The following SLC34A1 variants were observed in gnomAD, a reference collection of about 807,000 sequenced individuals.
The protein encoded by SLC34A1 is solute carrier family 34 member 1.
A neutral mutation model predicts 51.4 loss-of-function variants in SLC34A1; 57 were observed. The observed-to-expected ratio is 1.11, with a 90% CI of 0.90 to 1.38. The LOEUF (loss-of-function observed/expected upper bound fraction) is 1.38, where lower values mean the gene tolerates loss of function less well. Among genes scored for constraint, SLC34A1 ranks in the 40% most tolerant of loss-of-function variants. The pLI, the probability that SLC34A1 is intolerant of heterozygous loss-of-function variation, is 0.00. For missense variants in SLC34A1, 796 were observed against 835.6 expected (o/e 0.95, Z 0.58); for synonymous variants, 368 against 358.0 (o/e 1.03, Z -0.32).
At position 177,396,221 on chromosome 5, in the gene SLC34A1, G is replaced by A. The variant is rs967560593; in HGVS notation, c.1175-512G>A. 1.3e-5 allele frequency among the ~76,000 whole-genome samples: 2 copies of A among 152,190 alleles called. No individual in the cohort carries two copies. The highest frequency in any genetic ancestry group is 2.4e-5 in the African/African-American group (1 of 41,434). The stretch of plus-strand genomic sequence containing the variant: ...GGGGGTCAGGGAAGGCTTTCCAGAG[G>A]AAGTGACATCCATGCTGAGTCTGAG... On this transcript the variant is annotated intron_variant, in intron 10 of 12. Coordinates refer to ENST00000324417, the MANE Select transcript of SLC34A1 (RefSeq NM_003052.5). The surrounding 1 kb of genome is among the most constrained non-coding windows in gnomAD (Gnocchi z 4.0).
At chr5:177,397,274 A>G in intron 12 of SLC34A1, 200 bp downstream of exon 12, 1 of 615,786 alleles carries the variant, frequency 1.6e-6, no homozygotes, top group Non-Finnish European at 2.8e-6. Context: ...GACACTGCTC[A>G]TAATTACACC....
chr5:177,393,869 G>A, intron 9 of SLC34A1, 106 bp downstream of exon 9: 11 of 1,480,884 alleles, frequency 7.4e-6, no homozygotes, highest in Admixed American at 1.7e-5. Flanking sequence ...AGGAAGCATG[G>A]CTGTCAACTA....
rs1298023844 is a variant in SLC34A1 at position 177,386,220 on chromosome 5, G to C, written c.260-1G>C. The C allele has an allele frequency of 6.2e-7, 1 of 1,614,198 alleles. No individual in the cohort carries two copies. Among genetic ancestry groups the C allele is most frequent in the Admixed American group, 1.7e-5 (1 of 60,032 alleles). On this transcript the variant is annotated splice_acceptor_variant, in intron 3 of 12. Transcript: ENST00000324417. LOFTEE classifies it high-confidence loss of function. The surrounding 1 kb of genome is among the most constrained non-coding windows in gnomAD (Gnocchi z 4.8). ...CTATGCTCATGGCTTCCCCCATCCA[G>C]AGTCCAGGCTGGTCCCCAAGCTGCG...
chr5:177,388,307 A>C lies in SLC34A1; in HGVS notation c.871A>C (p.Thr291Pro). ...LDESVITSIATGDESLRNHSL... is the reference protein window; with the variant it reads ...LDESVITSIAPGDESLRNHSL... ...CGAGTCTGTGATAACCAGCATTGCC[A>C]CTGGTGATGAGTCCCTGAGGAACCA... The change falls in exon 8 of 13, where the codon ACT (threonine) becomes CCT (proline). Residue 291 changes from threonine (T) to proline (P), a missense_variant. Transcript: ENST00000324417. The surrounding 1 kb of genome is among the most constrained non-coding windows in gnomAD (Gnocchi z 4.3). 1 of 1,614,160 alleles carries C rather than the reference A, an allele frequency of 6.2e-7. No individual in the cohort carries two copies. The highest frequency in any genetic ancestry group is 1.1e-5 in the South Asian group (1 of 91,086).
In SLC34A1 at chr5:177,397,887, C is replaced by T; in HGVS notation, c.1521C>T (p.Arg507=). The T allele has an allele frequency of 6.2e-7, 1 of 1,613,988 alleles. No individual in the cohort carries two copies. Among genetic ancestry groups the T allele is most frequent in the Non-Finnish European group, 8.5e-7 (1 of 1,180,024 alleles). Residue 507 remains arginine (R), a synonymous_variant, in exon 13 of 13, where the codon CGC becomes CGT. Transcript: ENST00000324417. The part of the protein sequence containing the change: ...PIRMAKALGK[R]TAKYRWFAVL... ...GCATGGCCAAGGCGCTGGGGAAACG[C>T]ACGGCCAAGTACCGCTGGTTTGCCG...
intron 12 of SLC34A1, 93 bp from the exon 13 acceptor site, chr5:177,397,690 C>A: frequency 6.5e-7 from 1 of 1,543,040 alleles, no homozygotes; most frequent in Non-Finnish European, 8.9e-7. Context: ...GCTGCCCAGA[C>A]CAGATCGGGG....
intron 10 of SLC34A1, among the ~76,000 whole-genome samples, chr5:177,394,414 CA>C (rs1337417504): frequency 6.6e-6 from 1 of 152,210 alleles, no homozygotes; most frequent in Non-Finnish European, 1.5e-5. Context: ...TGGAGATGCT[CA>C]AGGACCATTG....
intron 5 of SLC34A1, among the ~76,000 whole-genome samples, chr5:177,387,374 G>A (rs1042431979): frequency 3.9e-5 from 6 of 152,084 alleles, no homozygotes; most frequent in East Asian, 1.9e-4. Flanking sequence ...CAGCCTGGGC[G>A]ACAGAGCGAG....
At chr5:177,391,955 C>T (rs1007854194) in intron 8 of SLC34A1, among the ~76,000 whole-genome samples, 4 of 152,214 alleles carry the variant, frequency 2.6e-5, no homozygotes, top group Admixed American at 1.3e-4. Context: ...CCCTTACCCT[C>T]GCAGCAGTTA....
At chr5:177,394,984 T>C (rs1171610615) in intron 10 of SLC34A1, among the ~76,000 whole-genome samples, 1 of 151,952 alleles carries the variant, frequency 6.6e-6, no homozygotes, top group Non-Finnish European at 1.5e-5. Flanking sequence ...TGAGCCACCG[T>C]GCCCGGCCGA....
chr5:177,395,060 G>A (rs1762917555), intron 10 of SLC34A1, among the ~76,000 whole-genome samples: 1 of 151,990 alleles, frequency 6.6e-6, no homozygotes, highest in Non-Finnish European at 1.5e-5. Flanking sequence ...ATAGTCCCAG[G>A]TACCCAGGAG....
At chr5:177,397,316 A>AAGGAAG (rs1216987742) in intron 12 of SLC34A1, 16 of 553,868 alleles carry the variant, frequency 2.9e-5, no homozygotes, top group Non-Finnish European at 4.5e-5. Flanking sequence ...TTTGCACCAT[A>AAGGAAG]AGGAAGAGGA....
At position 177,398,682 on chromosome 5, in the gene SLC34A1, ATGT is replaced by A. The variant is rs555230912; in HGVS notation, c.*399_*401del. The stretch of plus-strand genomic sequence containing the variant: ...TGACTGTGCAGCTGTTTGTGCATAG[ATGT>A]TGGTGCCTGCGTTACTGAATTTGCA... On this transcript the variant is annotated 3_prime_UTR_variant, in exon 13 of 13. Coordinates refer to ENST00000324417, the MANE Select transcript of SLC34A1 (RefSeq NM_003052.5). The surrounding 1 kb of genome is among the most constrained non-coding windows in gnomAD (Gnocchi z 4.7). The A allele has an allele frequency of 6.2e-4, 162 of 259,654 alleles. No individual in the cohort carries two copies. Among genetic ancestry groups the A allele is most frequent in the African/African-American group, 3.3e-3 (150 of 45,216 alleles). 16.1% of individuals were successfully genotyped at this position (259,654 alleles called of 1,614,324 possible).
In SLC34A1 at chr5:177,397,835, C is replaced by T. The variant is rs372577906; in HGVS notation, c.1469C>T (p.Pro490Leu). The T allele has an allele frequency of 2.7e-5, 44 of 1,613,204 alleles. No homozygotes were observed. The highest frequency in any genetic ancestry group is 3.4e-5 in the Non-Finnish European group (40 of 1,179,970). ...ATCTCGGGTATCCTTCTGTGGTACC[C>T]GGTGCCCTGCACACGCCTGCCCATC... ...FNISGILLWYPVPCTRLPIRM... is the reference protein window; with the variant it reads ...FNISGILLWYLVPCTRLPIRM... The change falls in exon 13 of 13, where the codon CCG becomes CTG. Residue 490 changes from proline to leucine, a missense_variant. By Grantham distance (98) the Pro-to-Leu change is moderately conservative (BLOSUM62 -3). Coordinates refer to ENST00000324417, the MANE Select transcript of SLC34A1 (RefSeq NM_003052.5).
At chr5:177,394,316 T>C (rs555667753) in intron 10 of SLC34A1, 121 bp downstream of exon 10, 2 of 1,148,090 alleles carry the variant, frequency 1.7e-6, no homozygotes, top group African/African-American at 3.0e-5. Flanking sequence ...TTTCCCGATG[T>C]GAACAAAGAA....
chr5:177,387,146 A>G lies in SLC34A1; in HGVS notation c.532+580A>G, dbSNP rs542314480. On this transcript the variant is annotated intron_variant, in intron 5 of 12. Transcript: ENST00000324417. ...AGCACTTTGGGAGGCTGAGGGGGGCAGATCACGAGGTCAGTAGATCGAGAC... is the reference window on the plus strand; with the variant it reads ...AGCACTTTGGGAGGCTGAGGGGGGCGGATCACGAGGTCAGTAGATCGAGAC... 6.7e-3 allele frequency among the ~76,000 whole-genome samples: 1,012 copies of G among 151,968 alleles called. 12 individuals are homozygous for G. Among genetic ancestry groups the G allele is most frequent in the African/African-American group, 0.022 (919 of 41,464 alleles).
chr5:177,391,514 G>A lies in SLC34A1; in HGVS notation c.937-2180G>A, dbSNP rs535375246. On this transcript the variant is annotated intron_variant, in intron 8 of 12. Transcript: ENST00000324417. ...CCCAGGTTAGGTCAGTGGGGCACAC[G>A]TTGACCAGGCACCTACTCATTCAAG... is the stretch of plus-strand genomic sequence containing the variant. 1.2e-4 allele frequency among the ~76,000 whole-genome samples: 19 copies of A among 152,316 alleles called. No individual in the cohort carries two copies. The East Asian group carries it at 3.5e-3, about 28-fold the overall frequency.
chr5:177,388,423 G>C lies in SLC34A1; in HGVS notation c.936+51G>C, dbSNP rs376688326. 9.0e-6 allele frequency: 13 copies of C among 1,451,980 alleles called. No homozygotes were observed. Among genetic ancestry groups the C allele is most frequent in the Admixed American group, 3.4e-5 (2 of 59,534 alleles). The allele number at this position is 1,451,980 out of a possible 1,614,324, so 89.9% of individuals were successfully genotyped here. A position where few individuals can be genotyped will look rare whatever the true frequency, so the allele number is the denominator to read the frequency against. The stretch of plus-strand genomic sequence containing the variant: ...AAGAGGACTCCCTCTTCAGACTCTT[G>C]GTTTCATTGTCTGTTCAAAATGCTC... On this transcript the variant is annotated intron_variant, in intron 8 of 12. Transcript: ENST00000324417. This position sits in a 1 kb window ranked among gnomAD's most constrained non-coding sequence, Gnocchi z 4.3.
chr5:177,393,772 C>A lies in SLC34A1; in HGVS notation c.1006+9C>A. The stretch of plus-strand genomic sequence containing the variant: ...TGCCACCATGGAGAAATGTAAGTGC[C>A]TGCAACATGGGAGGTGTCCTGCATG... On this transcript the variant is annotated intron_variant, in intron 9 of 12. Transcript: ENST00000324417. 6.2e-7 allele frequency: 1 copy of A among 1,614,062 alleles called. No homozygotes were observed. Among genetic ancestry groups the A allele is most frequent in the Non-Finnish European group, 8.5e-7 (1 of 1,179,920 alleles).
Sources: gnomAD v4.1 joint callset for allele counts (sites outside exome capture counted in the v4.1 genomes callset) on GRCh38, gnomAD v4.1.1 for gene constraint, Gnocchi (gnomAD v3.1) non-coding constraint, MANE v1.5 for transcripts, NCBI Gene and HGNC (gene_info 2026-07-23, HGNC 2026-07-21) for gene names.